Variants in GRIP1 observed in about 807,000 individuals in gnomAD.
GRIP1 encodes glutamate receptor interacting protein 1.
GRIP1 carries 45 observed loss-of-function variants against 129.9 expected under a neutral mutation model. The observed-to-expected ratio is 0.35, with a 90% CI of 0.27 to 0.44. GRIP1 has a LOEUF of 0.44. Ranked by LOEUF, GRIP1 falls within the 20% of genes least tolerant of loss-of-function variation. GRIP1 has a pLI of 1.00. For synonymous variants in GRIP1, 530 were observed against 520.8 expected (o/e 1.02, Z -0.24); for missense variants, 1,196 against 1,396.8 (o/e 0.86, Z 2.29).
intron 11 of GRIP1, among the ~76,000 whole-genome samples, chr12:66,450,415 G>A (rs1374453625): frequency 1.4e-5 from 2 of 145,632 alleles, no homozygotes; most frequent in Non-Finnish European, 3.0e-5. Flanking sequence ...TCAAAGGAAA[G>A]ACTTGCTATG....
intron 1 of GRIP1, among the ~76,000 whole-genome samples, chr12:66,989,711 T>G (rs976573476): frequency 6.6e-6 from 1 of 152,150 alleles, no homozygotes; most frequent in Non-Finnish European, 1.5e-5. Flanking sequence ...CAATAAACAC[T>G]GTCACTACAC....
Position 66,445,435 on chromosome 12 carries a change from C to T in GRIP1, c.1428G>A (p.Thr476=), listed in dbSNP as rs202009431. 548 of 1,613,756 alleles carry T rather than the reference C, an allele frequency of 3.4e-4. No homozygotes were observed. Among genetic ancestry groups the T allele is most frequent in the Non-Finnish European group, 4.3e-4 (511 of 1,179,774 alleles). Residue 476 remains threonine (T), a synonymous_variant, in exon 12 of 25, where the codon ACG becomes ACA. Coordinates refer to ENST00000359742, the MANE Select transcript of GRIP1 (RefSeq NM_001366722.1). ...VHTETTEVVL[T]ADPVTGFGIQ... is the part of the protein sequence containing the mutation. The stretch of plus-strand genomic sequence containing the variant: ...TCCCAAATCCTGTGACAGGATCTGC[C>T]GTCAGCACAACCTCTGTGGTTTCTG...
At chr12:66,369,196 A>T (rs1467986470) in intron 23 of GRIP1, among the ~76,000 whole-genome samples, 1 of 152,212 alleles carries the variant, frequency 6.6e-6, no homozygotes, top group Non-Finnish European at 1.5e-5. Flanking sequence ...CATCCTACTT[A>T]TAAGGTCAAT....
chr12:66,882,019 T>C (rs2040487061), intron 1 of GRIP1, among the ~76,000 whole-genome samples: 1 of 152,106 alleles, frequency 6.6e-6, no homozygotes, highest in Non-Finnish European at 1.5e-5. Flanking sequence ...CTATCCCCTG[T>C]TCTGTATGTT....
At chr12:66,875,709 T>A (rs1404669866) in intron 1 of GRIP1, among the ~76,000 whole-genome samples, 1 of 152,058 alleles carries the variant, frequency 6.6e-6, no homozygotes, top group African/African-American at 2.4e-5. Flanking sequence ...AGATCAATCA[T>A]CCAACATATT....
At chr12:66,858,145 T>A (rs1260273463) in intron 1 of GRIP1, among the ~76,000 whole-genome samples, 1 of 152,028 alleles carries the variant, frequency 6.6e-6, no homozygotes, top group Non-Finnish European at 1.5e-5. Flanking sequence ...TTATTCAGCA[T>A]GGTAAAGGAA....
chr12:66,716,018 T>C (rs2035876665), intron 1 of GRIP1, among the ~76,000 whole-genome samples: 1 of 152,036 alleles, frequency 6.6e-6, no homozygotes, highest in Non-Finnish European at 1.5e-5. Context: ...GAAGATTTGC[T>C]GTTGGTGATA....
intron 16 of GRIP1, 132 bp downstream of exon 16, chr12:66,406,151 G>C (rs1205726029): frequency 3.8e-6 from 3 of 790,866 alleles, no homozygotes; most frequent in African/African-American, 3.5e-5. Flanking sequence ...AAAATTTAAA[G>C]ACTCTTTTAG....
intron 1 of GRIP1, among the ~76,000 whole-genome samples, chr12:66,915,071 G>A (rs189832781): frequency 1.8e-3 from 271 of 152,230 alleles, no homozygotes; most frequent in African/African-American, 6.1e-3. Flanking sequence ...TGATCTTGAG[G>A]GAATTCATTT....
chr12:66,453,912 T>C (rs2058878433), intron 11 of GRIP1, among the ~76,000 whole-genome samples: 1 of 152,150 alleles, frequency 6.6e-6, no homozygotes, highest in Non-Finnish European at 1.5e-5. Context: ...CTTCCAAGAG[T>C]AAATAATTTA....
At chr12:66,583,380 T>C (rs1184975762) in intron 2 of GRIP1, among the ~76,000 whole-genome samples, 220 of 131,424 alleles carry the variant, frequency 1.7e-3, no homozygotes, top group Admixed American at 2.4e-3. Flanking sequence ...CCAAAAGCAA[T>C]GGCAACAAAA....
chr12:66,856,451 G>A (rs1261787704), intron 1 of GRIP1, among the ~76,000 whole-genome samples: 3 of 152,046 alleles, frequency 2.0e-5, no homozygotes, highest in African/African-American at 7.2e-5. Context: ...CAGAATGGGA[G>A]AAAATTTTTG....
At chr12:66,747,540 G>T (rs78936119) in intron 1 of GRIP1, among the ~76,000 whole-genome samples, 6,563 of 152,132 alleles carry the variant, frequency 0.043, 239 homozygotes, top group African/African-American at 0.094. Flanking sequence ...AAATAAAATG[G>T]ATTAAAAAGG....
At chr12:66,775,201 G>C (rs766419569) in intron 1 of GRIP1, among the ~76,000 whole-genome samples, 2 of 152,180 alleles carry the variant, frequency 1.3e-5, no homozygotes, top group East Asian at 3.9e-4. Flanking sequence ...AGGGAGGAGA[G>C]AGAATAGGAA....
At chr12:66,641,209 C>T (rs1001969963) in intron 1 of GRIP1, among the ~76,000 whole-genome samples, 2 of 152,104 alleles carry the variant, frequency 1.3e-5, no homozygotes, top group Admixed American at 6.6e-5. Flanking sequence ...ACTGTTGATG[C>T]CTCACAGAAT....
At chr12:66,799,191 T>C (rs1331216066) in intron 1 of GRIP1, among the ~76,000 whole-genome samples, 3 of 151,790 alleles carry the variant, frequency 2.0e-5, no homozygotes, top group Non-Finnish European at 2.9e-5. Context: ...TAGAAAAAAA[T>C]ATAGCTTGAG....
chr12:66,474,117 C>G (rs1319832578), intron 7 of GRIP1, among the ~76,000 whole-genome samples: 1 of 151,900 alleles, frequency 6.6e-6, no homozygotes, highest in East Asian at 1.9e-4. Context: ...ACTAGAATAA[C>G]CAGTTTAGAG....
At chr12:66,667,583 A>AT (rs1347808624) in intron 1 of GRIP1, among the ~76,000 whole-genome samples, 2 of 152,138 alleles carry the variant, frequency 1.3e-5, no homozygotes, top group Non-Finnish European at 2.9e-5. Context: ...TTTCCCCAGG[A>AT]TAACAGGGCA....
intron 7 of GRIP1, among the ~76,000 whole-genome samples, chr12:66,509,297 T>A (rs921868414): frequency 5.9e-5 from 9 of 152,200 alleles, no homozygotes; most frequent in Admixed American, 1.3e-4. Flanking sequence ...AACAGTTTGG[T>A]TAAGGCGAGC....
Sources: allele counts gnomAD v4.1 joint callset (sites outside exome capture counted in the v4.1 genomes callset), GRCh38; gene constraint gnomAD v4.1.1; transcripts MANE v1.5; gene names NCBI Gene and HGNC (gene_info 2026-07-23, HGNC 2026-07-21).